Variants in HSF2BP observed in about 807,000 individuals in gnomAD.
HSF2BP encodes heat shock factor 2-binding protein.
A neutral mutation model predicts 35.0 loss-of-function variants in HSF2BP; 35 were observed. The observed-to-expected ratio is 1.00, with a 90% CI of 0.76 to 1.32. The LOEUF (loss-of-function observed/expected upper bound fraction) is 1.32. HSF2BP is among the 40% of genes most tolerant of loss of function. HSF2BP has a pLI of 0.00. For missense variants in HSF2BP, 326 were observed against 321.7 expected (o/e 1.01, Z -0.10); for synonymous variants, 114 against 117.4 (o/e 0.97, Z 0.18).
the HSF2BP span, among the ~76,000 whole-genome samples, chr21:43,499,879 C>A: frequency 2.8e-5 from 3 of 108,574 alleles, 1 homozygote; most frequent in Non-Finnish European, 5.8e-5. Flanking sequence ...ACACTACATG[C>A]ACACATATCA....
At chr21:43,601,566 T>C (rs2082052408) in intron 7 of HSF2BP, among the ~76,000 whole-genome samples, 2 of 152,174 alleles carry the variant, frequency 1.3e-5, no homozygotes, top group South Asian at 4.1e-4. Flanking sequence ...ATGACCAAAC[T>C]AGACAGGGTA....
At chr21:43,623,648 C>T (rs527739202) in intron 6 of HSF2BP, among the ~76,000 whole-genome samples, 6 of 152,268 alleles carry the variant, frequency 3.9e-5, no homozygotes, top group African/African-American at 1.4e-4. Context: ...AGAGTCAATA[C>T]AAGGCTGGTG....
At chr21:43,633,004 T>C (rs948236342) in intron 5 of HSF2BP, among the ~76,000 whole-genome samples, 1 of 152,166 alleles carries the variant, frequency 6.6e-6, no homozygotes, top group Non-Finnish European at 1.5e-5. Flanking sequence ...CTTTTGATCT[T>C]CTTAAACACA....
intron 8 of HSF2BP, 118 bp downstream of exon 8, chr21:43,592,107 T>C: frequency 1.5e-6 from 1 of 655,328 alleles, no homozygotes; most frequent in South Asian, 1.9e-5. Context: ...TAGAGAGGAT[T>C]TGGTGCTATC....
chr21:43,613,125 G>C (rs996442424), intron 7 of HSF2BP, among the ~76,000 whole-genome samples: 2 of 152,228 alleles, frequency 1.3e-5, no homozygotes, highest in African/African-American at 4.8e-5. Context: ...AATAAAAGCA[G>C]AGAGAGTTTC....
At chr21:43,640,758 A>T (rs1008987969) in intron 4 of HSF2BP, among the ~76,000 whole-genome samples, 14 of 152,186 alleles carry the variant, frequency 9.2e-5, no homozygotes, top group African/African-American at 3.4e-4. Flanking sequence ...AACACAAAAA[A>T]ATTTTTTTGT....
intron 4 of HSF2BP, among the ~76,000 whole-genome samples, chr21:43,642,445 T>C (rs2082649238): frequency 6.6e-6 from 1 of 152,196 alleles, no homozygotes; most frequent in Non-Finnish European, 1.5e-5. Flanking sequence ...CAGCAAAGGC[T>C]ACAGATAAGG....
At chr21:43,495,954 A>G in the HSF2BP span, among the ~76,000 whole-genome samples, 4 of 116,086 alleles carry the variant, frequency 3.4e-5, 1 homozygote, top group Non-Finnish European at 7.6e-5. Context: ...GTGGTGCTCT[A>G]TAGCCCCAGA....
At chr21:43,647,539 T>C (rs1025057411) in intron 3 of HSF2BP, among the ~76,000 whole-genome samples, 1 of 152,208 alleles carries the variant, frequency 6.6e-6, no homozygotes, top group Non-Finnish European at 1.5e-5. Flanking sequence ...TCCATAATCC[T>C]TTCTTAATAC....
intron 8 of HSF2BP, among the ~76,000 whole-genome samples, chr21:43,577,898 G>T (rs923767288): frequency 2.0e-5 from 3 of 152,088 alleles, no homozygotes; most frequent in African/African-American, 7.2e-5. Flanking sequence ...CCTTAAGAAG[G>T]TACTTCATAA....
intron 2 of HSF2BP, 55 bp from the exon 3 acceptor site, chr21:43,656,792 C>T: frequency 6.7e-7 from 1 of 1,503,268 alleles, no homozygotes; most frequent in Non-Finnish European, 9.1e-7. Context: ...AAAAAAACAA[C>T]AGCTCAAGTT....
At chr21:43,614,382 T>A (rs947734701) in intron 6 of HSF2BP, among the ~76,000 whole-genome samples, 5 of 150,240 alleles carry the variant, frequency 3.3e-5, no homozygotes, top group Non-Finnish European at 7.4e-5. Context: ...AAAAAAAAAT[T>A]ATCAACAAAA....
intron 3 of HSF2BP, among the ~76,000 whole-genome samples, chr21:43,650,827 C>T (rs2082775135): frequency 6.6e-6 from 1 of 151,296 alleles, no homozygotes; most frequent in African/African-American, 2.4e-5. Context: ...CCTGTCTCAG[C>T]CTCCTGAGTA....
chr21:43,635,794 G>GTAATCCCACCTA (rs1013218003), intron 4 of HSF2BP, among the ~76,000 whole-genome samples: 1 of 151,864 alleles, frequency 6.6e-6, no homozygotes, highest in Non-Finnish European at 1.5e-5. Context: ...GCACGGGCCT[G>GTAATCCCACCTA]TAATCCCACC....
At chr21:43,468,030 ACAC>A in the HSF2BP span, among the ~76,000 whole-genome samples, 1,550 of 129,124 alleles carry the variant, frequency 0.012, 42 homozygotes, top group African/African-American at 0.041. Context: ...CACACAGCAC[ACAC>A]CACACCACAC....
chr21:43,582,138 G>A (rs1203888783), intron 8 of HSF2BP, among the ~76,000 whole-genome samples: 9 of 126,468 alleles, frequency 7.1e-5, no homozygotes, highest in Admixed American at 7.8e-5. Context: ...TGGGGGATGA[G>A]GGCCTGCTGT....
In HSF2BP at chr21:43,644,948, G is replaced by A. The variant is rs893921370; in HGVS notation, c.188-556C>T. On this transcript the variant is annotated intron_variant, in intron 3 of 8. Transcript: ENST00000291560. Reference sequence around the variant, plus strand: ...AACTATGTAATACTTCCTCTCCACCGCACTCATTTAGTTGATGAGTCAACA... The same window carrying A: ...AACTATGTAATACTTCCTCTCCACCACACTCATTTAGTTGATGAGTCAACA... Among the ~76,000 whole-genome samples, 5 of 152,054 alleles carry A rather than the reference G, an allele frequency of 3.3e-5. No homozygotes were observed. The South Asian group carries it at 6.2e-4, about 19-fold the overall frequency.
At chr21:43,657,993 G>A (rs770799999) in intron 2 of HSF2BP, 68 bp downstream of exon 2, 143 of 1,531,774 alleles carry the variant, frequency 9.3e-5, no homozygotes, top group Middle Eastern at 6.8e-4. Flanking sequence ...CGCACGGGGC[G>A]AGGCCCTGAG....
intron 8 of HSF2BP, among the ~76,000 whole-genome samples, chr21:43,572,832 G>C (rs1023254401): frequency 6.6e-6 from 1 of 152,236 alleles, no homozygotes; most frequent in African/African-American, 2.4e-5. Context: ...TTGGGGCTTA[G>C]ATGTTCTTGG....
Sources: gnomAD v4.1 joint callset for allele counts (sites outside exome capture counted in the v4.1 genomes callset) on GRCh38, gnomAD v4.1.1 for gene constraint, MANE v1.5 for transcripts, NCBI Gene and HGNC (gene_info 2026-07-23, HGNC 2026-07-21) for gene names.